The following SLCO5A1 variants were observed in gnomAD, a reference collection of about 807,000 sequenced individuals.
SLCO5A1 encodes the protein organic anion transporter polypeptide-related protein 4.
A neutral mutation model predicts 65.1 loss-of-function variants in SLCO5A1; 39 were observed. The observed-to-expected ratio is 0.60, with a 90% CI of 0.46 to 0.78. The LOEUF (loss-of-function observed/expected upper bound fraction) is 0.78, where lower values mean the gene tolerates loss of function less well. Ranked by LOEUF, SLCO5A1 falls within the 30% of genes least tolerant of loss-of-function variation. The pLI, the probability that SLCO5A1 is intolerant of heterozygous loss-of-function variation, is 0.00. For missense variants in SLCO5A1, 1,029 were observed against 1,069.4 expected (o/e 0.96, Z 0.53); for synonymous variants, 438 against 415.7 (o/e 1.05, Z -0.65).
At chr8:69,820,940 G>A (rs2130919906) in intron 2 of SLCO5A1, among the ~76,000 whole-genome samples, 1 of 152,144 alleles carries the variant, frequency 6.6e-6, no homozygotes, top group Non-Finnish European at 1.5e-5. Context: ...GAAGCCAAGG[G>A]GTTTGTCTGA....
intron 2 of SLCO5A1, among the ~76,000 whole-genome samples, chr8:69,769,061 C>T (rs748186567): frequency 6.6e-5 from 10 of 152,128 alleles, no homozygotes; most frequent in Non-Finnish European, 1.5e-4. Flanking sequence ...TGTCTATGTG[C>T]TGGTCGCATG....
At chr8:69,738,629 ATAT>A (rs1816669060) in intron 4 of SLCO5A1, among the ~76,000 whole-genome samples, 2 of 152,322 alleles carry the variant, frequency 1.3e-5, no homozygotes, top group African/African-American at 4.8e-5. Flanking sequence ...CTCCCAAGTA[ATAT>A]TATTATGTAG....
intron 3 of SLCO5A1, among the ~76,000 whole-genome samples, chr8:69,760,514 T>C (rs977735217): frequency 6.6e-6 from 1 of 152,224 alleles, no homozygotes; most frequent in Non-Finnish European, 1.5e-5. Flanking sequence ...TAAAGTACTC[T>C]AAGACATTTT....
At chr8:69,743,167 G>A (rs1459551768) in intron 4 of SLCO5A1, among the ~76,000 whole-genome samples, 5 of 152,112 alleles carry the variant, frequency 3.3e-5, no homozygotes. Flanking sequence ...TCTCACTGAG[G>A]GCAGAGGCCG....
chr8:69,828,336 C>T (rs4738029), intron 2 of SLCO5A1, among the ~76,000 whole-genome samples: 9,251 of 151,876 alleles, frequency 0.061, 442 homozygotes, highest in East Asian at 0.25. Context: ...GGTGCAGTGG[C>T]TCACGCCTGT....
At chr8:69,712,479 G>C (rs1008937604) in intron 5 of SLCO5A1, among the ~76,000 whole-genome samples, 2 of 152,034 alleles carry the variant, frequency 1.3e-5, no homozygotes, top group South Asian at 4.1e-4. Flanking sequence ...GAAAATATAC[G>C]GGAGCTTAAA....
intron 5 of SLCO5A1, among the ~76,000 whole-genome samples, chr8:69,715,879 T>G (rs1265127246): frequency 2.6e-5 from 4 of 152,176 alleles, no homozygotes; most frequent in Non-Finnish European, 5.9e-5. Flanking sequence ...AGTTTAATGT[T>G]TTTAGTATAT....
chr8:69,816,524 C>G (rs147348872), intron 2 of SLCO5A1, among the ~76,000 whole-genome samples: 1 of 152,212 alleles, frequency 6.6e-6, no homozygotes, highest in African/African-American at 2.4e-5. Context: ...AGGGTGCAAG[C>G]ACTGGCTACT....
chr8:69,793,250 C>T (rs1036182762), intron 2 of SLCO5A1, among the ~76,000 whole-genome samples: 2 of 152,098 alleles, frequency 1.3e-5, no homozygotes, highest in African/African-American at 4.8e-5. Context: ...TCCCAAAGTG[C>T]TGGGATTACA....
intron 4 of SLCO5A1, among the ~76,000 whole-genome samples, chr8:69,753,006 T>C (rs2130856750): frequency 6.6e-6 from 1 of 152,330 alleles, no homozygotes; most frequent in East Asian, 1.9e-4. Context: ...CCCCTGGCAG[T>C]ACAAGAAGTT....
chr8:69,705,111 A>G lies in SLCO5A1; in HGVS notation c.1542T>C (p.Ser514=). 1 of 1,614,214 alleles carries G rather than the reference A, an allele frequency of 6.2e-7. No homozygotes were observed. The highest frequency in any genetic ancestry group is 2.2e-5 in the East Asian group (1 of 44,878). ...AKLAMICSGV[S]LLCFSTLFIV... ...TAAATAGGGTTGAAAAACATAGTAA[A>G]GACACACCACTGCAGATCATTGCTA... Residue 514 remains serine, a synonymous_variant, in exon 6 of 10, where the codon TCT becomes TCC. Transcript: ENST00000260126.
intron 2 of SLCO5A1, among the ~76,000 whole-genome samples, chr8:69,790,191 CAAAAAAA>C (rs374635955): frequency 0.044 from 2,380 of 53,706 alleles, 58 homozygotes; most frequent in African/African-American, 0.12. Context: ...GACTCCTTCT[CAAAAAAA>C]AAAAAAAAAA....
chr8:69,781,721 G>A (rs1020593184), intron 2 of SLCO5A1, among the ~76,000 whole-genome samples: 14 of 151,432 alleles, frequency 9.2e-5, no homozygotes, highest in East Asian at 5.8e-4. Context: ...GCAATGGCGC[G>A]ATCTCGGCTC....
chr8:69,730,108 C>T (rs1461821713), intron 5 of SLCO5A1, among the ~76,000 whole-genome samples: 3 of 152,366 alleles, frequency 2.0e-5, no homozygotes, highest in East Asian at 1.9e-4. Flanking sequence ...TGATCACTCA[C>T]ATTTTACAAA....
intron 2 of SLCO5A1, 113 bp downstream of exon 2, chr8:69,831,653 CT>C: frequency 8.5e-7 from 1 of 1,180,394 alleles, no homozygotes; most frequent in South Asian, 1.6e-5. Context: ...ATAAAGTGAA[CT>C]TTAATCTATA....
At position 69,816,834 on chromosome 8, in the gene SLCO5A1, C is replaced by T. The variant is rs145119615; in HGVS notation, c.907+14933G>A. Reference sequence around the variant, plus strand: ...AATTCTCATAACTGAAGTACAGACTCACATTATTTAACATGTGCTAGAATG... The same window carrying T: ...AATTCTCATAACTGAAGTACAGACTTACATTATTTAACATGTGCTAGAATG... On this transcript the variant is annotated intron_variant, in intron 2 of 9. Coordinates refer to ENST00000260126, the MANE Select transcript of SLCO5A1 (RefSeq NM_030958.3). Among the ~76,000 whole-genome samples, 14 of 152,290 alleles carry T rather than the reference C, an allele frequency of 9.2e-5. No individual in the cohort carries two copies. In the East Asian group the frequency reaches 2.7e-3, roughly 29 times the overall value.
chr8:69,812,342 T>C (rs1330177092), intron 2 of SLCO5A1, among the ~76,000 whole-genome samples: 1 of 152,200 alleles, frequency 6.6e-6, no homozygotes, highest in Admixed American at 6.5e-5. Flanking sequence ...TCAAACATTT[T>C]ACAGAAAAGG....
intron 2 of SLCO5A1, among the ~76,000 whole-genome samples, chr8:69,820,756 G>C (rs1257858973): frequency 6.6e-6 from 1 of 151,816 alleles, no homozygotes; most frequent in Non-Finnish European, 1.5e-5. Context: ...AAATCAAAAA[G>C]AGCAAAATAT....
intron 3 of SLCO5A1, chr8:69,761,226 C>A (rs1474689549): frequency 6.3e-6 from 1 of 157,698 alleles, no homozygotes; most frequent in African/African-American, 2.4e-5. Context: ...CCACACACTT[C>A]GTGGCTTCAG....
Sources: gnomAD v4.1 joint callset for allele counts (sites outside exome capture counted in the v4.1 genomes callset) on GRCh38, gnomAD v4.1.1 for gene constraint, MANE v1.5 for transcripts, NCBI Gene and HGNC (gene_info 2026-07-23, HGNC 2026-07-21) for gene names.